The following TECRL variants were observed in gnomAD, a reference collection of about 807,000 sequenced individuals.
TECRL encodes trans-2,3-enoyl-CoA reductase like.
TECRL carries 63 observed loss-of-function variants against 52.8 expected under a neutral mutation model. The ratio of observed to expected loss-of-function variants is 1.19; its 90% CI spans 0.97 to 1.47. TECRL has a LOEUF of 1.47. TECRL is among the 40% of genes most tolerant of loss of function. The pLI, the probability that TECRL is intolerant of heterozygous loss-of-function variation, is 0.00. For synonymous variants in TECRL, 164 were observed against 141.9 expected (o/e 1.16, Z -1.10); for missense variants, 482 against 429.6 (o/e 1.12, Z -1.08).
chr4:64,349,280 G>A (rs1377858475), intron 2 of TECRL, among the ~76,000 whole-genome samples: 2 of 151,692 alleles, frequency 1.3e-5, no homozygotes, highest in African/African-American at 4.8e-5. Flanking sequence ...TTACAGGCAC[G>A]CACCCCTACA....
chr4:64,373,989 A>G (rs1005563463), intron 2 of TECRL, among the ~76,000 whole-genome samples: 1 of 79,636 alleles, frequency 1.3e-5, no homozygotes, highest in African/African-American at 4.4e-5. Flanking sequence ...AGATATATAT[A>G]TATCTACTAT....
intron 1 of TECRL, among the ~76,000 whole-genome samples, chr4:64,394,713 G>T (rs1367998875): frequency 6.6e-6 from 1 of 151,998 alleles, no homozygotes; most frequent in Non-Finnish European, 1.5e-5. Context: ...AGAGTAAAAT[G>T]GAAATAGGAA....
Position 64,314,584 on chromosome 4 carries a change from G to A in TECRL, c.551+64C>T, listed in dbSNP as rs879832926. The A allele has an allele frequency of 1.2e-4, 136 of 1,145,096 alleles. 1 individual carries two copies. In the East Asian group the frequency reaches 1.8e-3, roughly 15 times the overall value. 70.9% of individuals were successfully genotyped at this position (1,145,096 alleles called of 1,614,324 possible). A position where few individuals can be genotyped will look rare whatever the true frequency, so the allele number is the denominator to read the frequency against. On this transcript the variant is annotated intron_variant, in intron 5 of 11. Transcript: ENST00000381210. Reference sequence around the variant, plus strand: ...CTTACTAGTTCATCCCCTCCTTAACGTGTATGGTGTGTGTGTGTGTGTGTG... The same window carrying A: ...CTTACTAGTTCATCCCCTCCTTAACATGTATGGTGTGTGTGTGTGTGTGTG...
chr4:64,300,108 T>G, intron 7 of TECRL, 91 bp from the exon 8 acceptor site: 1 of 902,320 alleles, frequency 1.1e-6, no homozygotes, highest in Non-Finnish European at 1.6e-6. Flanking sequence ...TTATTGGGTA[T>G]AAATTCTATA....
intron 4 of TECRL, among the ~76,000 whole-genome samples, chr4:64,322,268 A>G (rs1717951375): frequency 6.6e-6 from 1 of 152,002 alleles, no homozygotes; most frequent in South Asian, 2.1e-4. Flanking sequence ...TTAGTCAGTC[A>G]GGCAGATGGA....
intron 3 of TECRL, among the ~76,000 whole-genome samples, chr4:64,323,987 C>A (rs2110034267): frequency 6.6e-6 from 1 of 151,556 alleles, no homozygotes; most frequent in East Asian, 2.0e-4. Flanking sequence ...ACATTTAAAA[C>A]CGTGGGGCTT....
At chr4:64,408,617 A>G (rs1445325856) in intron 1 of TECRL, among the ~76,000 whole-genome samples, 1 of 152,050 alleles carries the variant, frequency 6.6e-6, no homozygotes, top group African/African-American at 2.4e-5. Flanking sequence ...TCACTTTTTA[A>G]GAAAAATAAT....
chr4:64,307,326 C>T (rs906823036), intron 6 of TECRL, among the ~76,000 whole-genome samples: 4 of 152,160 alleles, frequency 2.6e-5, no homozygotes, highest in Middle Eastern at 3.4e-3. Flanking sequence ...CTGTGGGACC[C>T]CAAAGGTGGT....
At position 64,345,907 on chromosome 4, in the gene TECRL, C is replaced by CAAAAA. The variant is rs777171822; in HGVS notation, c.287-17356_287-17352dup. 2.9e-3 allele frequency among the ~76,000 whole-genome samples: 67 copies of CAAAAA among 23,346 alleles called. 21 individuals carry two copies. Among genetic ancestry groups the CAAAAA allele is most frequent in the African/African-American group, 0.011 (57 of 5,344 alleles). The allele number at this position is 23,346 out of a possible 152,430, so 15.3% of individuals were successfully genotyped here. A position where few individuals can be genotyped will look rare whatever the true frequency, so the allele number is the denominator to read the frequency against. ...CCAACACTGATGGGTGCCTCAACAG[C>CAAAAA]AAAAAAAAAAAAAAAAAAAAAAAAC... On this transcript the variant is annotated intron_variant, in intron 2 of 11. Coordinates refer to ENST00000381210, the MANE Select transcript of TECRL (RefSeq NM_001010874.5).
rs752713102 is a variant in TECRL at position 64,280,137 on chromosome 4, T to C, written c.1027A>G (p.Ile343Val). The change falls in exon 12 of 12, where the codon ATT becomes GTT. Residue 343 changes from isoleucine (I) to valine (V), a missense_variant. Ile to Val is a conservative substitution (Grantham distance 29). Coordinates refer to ENST00000381210, the MANE Select transcript of TECRL (RefSeq NM_001010874.5). ...MSLWAQKKHK[I>V]YLRKFNSYIH... Reference sequence around the variant, plus strand: ...TATGAATTGAATTTTCTCAGATAAATCTTATGTTTCTTTTGTGCCCACAAA... The same window carrying C: ...TATGAATTGAATTTTCTCAGATAAACCTTATGTTTCTTTTGTGCCCACAAA... 2.5e-6 allele frequency: 4 copies of C among 1,604,208 alleles called. No homozygotes were observed. The highest frequency in any genetic ancestry group is 2.7e-5 in the African/African-American group (2 of 74,500).
chr4:64,388,172 ATTTAT>A (rs1283224911), intron 1 of TECRL, among the ~76,000 whole-genome samples: 3 of 135,906 alleles, frequency 2.2e-5, no homozygotes, highest in African/African-American at 8.1e-5. Context: ...TAGGTCTGAT[ATTTAT>A]TTTGAGTTAA....
At chr4:64,309,969 T>C (rs1420614390) in intron 5 of TECRL, 38 bp from the exon 6 acceptor site, 2 of 1,396,646 alleles carry the variant, frequency 1.4e-6, no homozygotes, top group Non-Finnish European at 2.0e-6. Context: ...GAAAATCCTT[T>C]TGAAGTTCTG....
downstream of TECRL, chr4:64,277,005 T>A (rs570941689): frequency 4.0e-6 from 6 of 1,482,336 alleles, no homozygotes; most frequent in African/African-American, 1.4e-5. Flanking sequence ...CAAGATGGTG[T>A]AAATTTGTCA....
chr4:64,377,516 T>G (rs2109690138), intron 1 of TECRL, among the ~76,000 whole-genome samples: 1 of 152,154 alleles, frequency 6.6e-6, no homozygotes, highest in South Asian at 2.1e-4. Context: ...TTTCCATAAT[T>G]ATACAGATGG....
intron 1 of TECRL, among the ~76,000 whole-genome samples, chr4:64,387,561 C>T (rs1723263690): frequency 6.6e-6 from 1 of 152,060 alleles, no homozygotes; most frequent in African/African-American, 2.4e-5. Flanking sequence ...TCCACATCTT[C>T]CCAGCATATG....
At chr4:64,312,356 G>C (rs889398671) in intron 5 of TECRL, among the ~76,000 whole-genome samples, 4 of 152,074 alleles carry the variant, frequency 2.6e-5, no homozygotes, top group African/African-American at 9.7e-5. Flanking sequence ...AAAGTAGTTT[G>C]TGTATCTGCT....
intron 5 of TECRL, among the ~76,000 whole-genome samples, chr4:64,312,379 T>A (rs1446522274): frequency 6.6e-6 from 1 of 152,190 alleles, no homozygotes; most frequent in African/African-American, 2.4e-5. Context: ...GGAATTACTT[T>A]ATATAAACTT....
intron 5 of TECRL, 87 bp from the exon 6 acceptor site, chr4:64,310,018 T>A: frequency 1.4e-6 from 1 of 731,312 alleles, no homozygotes; most frequent in Non-Finnish European, 2.3e-6. Context: ...TTTTTTAGTT[T>A]AATATGCTAG....
At chr4:64,400,067 A>G (rs978555705) in intron 1 of TECRL, among the ~76,000 whole-genome samples, 1 of 152,230 alleles carries the variant, frequency 6.6e-6, no homozygotes, top group Non-Finnish European at 1.5e-5. Flanking sequence ...CCAGCCTGTT[A>G]GAGCAGCCAT....
Sources: allele counts gnomAD v4.1 joint callset (sites outside exome capture counted in the v4.1 genomes callset), GRCh38; gene constraint gnomAD v4.1.1; transcripts MANE v1.5; gene names NCBI Gene and HGNC (gene_info 2026-07-23, HGNC 2026-07-21).